The following BTAF1 variants were observed in gnomAD, a reference collection of about 807,000 sequenced individuals.
The protein encoded by BTAF1 is B-TFIID TATA-box binding protein associated factor 1, also known as TATA-binding protein-associated factor 172.
In BTAF1, 38 loss-of-function variants were observed where a neutral mutation model predicts 227.1. That is an observed-to-expected ratio of 0.17 (90% CI 0.13 to 0.22). The LOEUF (loss-of-function observed/expected upper bound fraction) is 0.22, where lower values mean the gene tolerates loss of function less well. Among genes scored for constraint, BTAF1 ranks in the 10% least tolerant of loss-of-function variants. BTAF1 has a pLI of 1.00. For missense variants in BTAF1, 1,598 were observed against 2,204.0 expected (o/e 0.73, Z 5.51); for synonymous variants, 742 against 751.9 (o/e 0.99, Z 0.21).
In BTAF1 at chr10:92,026,596, A is replaced by G; in HGVS notation, c.5080A>G (p.Asn1694Asp). Residue 1694 changes from asparagine (N) to aspartate (D), a missense_variant, in exon 36 of 38, where the codon AAT becomes GAT. Transcript: ENST00000265990. ...GQRHSIVSRF[N>D]NDPSIDVLLL... ...ATTTTTGTTATCTACTTTTAGGTTTAATAATGATCCATCTATAGACGTTCT... is the reference window on the plus strand; with the variant it reads ...ATTTTTGTTATCTACTTTTAGGTTTGATAATGATCCATCTATAGACGTTCT... 1 of 1,609,404 alleles carries G rather than the reference A, an allele frequency of 6.2e-7. No homozygotes were observed. Among genetic ancestry groups the G allele is most frequent in the African/African-American group, 1.3e-5 (1 of 74,868 alleles).
At chr10:91,997,201 A>G (rs1393492044) in intron 24 of BTAF1, 4 of 1,235,518 alleles carry the variant, frequency 3.2e-6, no homozygotes, top group Non-Finnish European at 3.2e-6. Context: ...GGTGATTGTC[A>G]AGATCCTGGT....
intron 20 of BTAF1, 88 bp downstream of exon 20, chr10:91,989,668 C>T (rs1198163768): frequency 8.1e-7 from 1 of 1,240,208 alleles, no homozygotes. Flanking sequence ...AGCACAAATC[C>T]AGTTCATGTT....
intron 25 of BTAF1, among the ~76,000 whole-genome samples, chr10:91,999,490 G>T (rs1221299250): frequency 3.3e-5 from 5 of 152,164 alleles, no homozygotes; most frequent in African/African-American, 1.2e-4. Flanking sequence ...TGCCTCCCGG[G>T]TTCAAGCGAT....
chr10:92,017,902 C>T (rs1162794491), intron 33 of BTAF1, among the ~76,000 whole-genome samples: 1 of 152,112 alleles, frequency 6.6e-6, no homozygotes, highest in Non-Finnish European at 1.5e-5. Flanking sequence ...AAGGCTGAGA[C>T]CCAAATCTTA....
At chr10:91,959,669 C>T in intron 9 of BTAF1, 116 bp from the exon 10 acceptor site, 1 of 416,416 alleles carries the variant, frequency 2.4e-6, no homozygotes. Context: ...TCCCCCAAGT[C>T]CCCAGTACAA....
intron 11 of BTAF1, among the ~76,000 whole-genome samples, chr10:91,960,581 G>A (rs1480110444): frequency 1.4e-5 from 2 of 140,952 alleles, no homozygotes; most frequent in African/African-American, 5.7e-5. Flanking sequence ...TACATAAACT[G>A]TCAGTGTTTT....
At chr10:91,984,063 CT>C (rs2133991529) in intron 18 of BTAF1, 137 bp from the exon 19 acceptor site, 1 of 728,676 alleles carries the variant, frequency 1.4e-6, no homozygotes, top group Non-Finnish European at 2.2e-6. Flanking sequence ...GTGCAATTAA[CT>C]GTTGTTTGGA....
intron 14 of BTAF1, among the ~76,000 whole-genome samples, chr10:91,977,776 T>TAA (rs1329064374): frequency 1.3e-5 from 2 of 152,186 alleles, no homozygotes; most frequent in African/African-American, 4.8e-5. Context: ...TATAGAGTGG[T>TAA]ATCTCATCGT....
intron 3 of BTAF1, among the ~76,000 whole-genome samples, chr10:91,941,672 A>G (rs993759444): frequency 4.6e-5 from 7 of 152,232 alleles, no homozygotes; most frequent in Admixed American, 6.5e-5. Context: ...AGCCTTATTC[A>G]TGAATACATT....
intron 1 of BTAF1, among the ~76,000 whole-genome samples, chr10:91,934,263 C>T (rs1372934067): frequency 6.6e-6 from 1 of 151,662 alleles, no homozygotes; most frequent in East Asian, 1.9e-4. Flanking sequence ...AAGACACAGT[C>T]TCACTCTGTC....
chr10:92,030,464 TA>T lies in BTAF1; in HGVS notation c.*1532del, dbSNP rs536506905. 2.0e-5 allele frequency: 3 copies of T among 152,298 alleles called. No homozygotes were observed. In the South Asian group the frequency reaches 6.2e-4, roughly 32 times the overall value. 9.4% of individuals were successfully genotyped at this position (152,298 alleles called of 1,614,324 possible). A position where few individuals can be genotyped will look rare whatever the true frequency, so the allele number is the denominator to read the frequency against. On this transcript the variant is annotated 3_prime_UTR_variant, in exon 38 of 38. Transcript: ENST00000265990. ...AACATTTCAGTATATTTGAGTTGAATATTTTTTTATTAACTATTTATTTGCT... is the reference window on the plus strand; with the variant it reads ...AACATTTCAGTATATTTGAGTTGAATTTTTTTTATTAACTATTTATTTGCT...
chr10:91,928,773 C>T lies in BTAF1; in HGVS notation c.14+4683C>T, dbSNP rs1001556780. 6.1e-4 allele frequency among the ~76,000 whole-genome samples: 55 copies of T among 90,184 alleles called. 1 individual carries two copies. Among genetic ancestry groups the T allele is most frequent in the African/African-American group, 1.7e-3 (47 of 28,088 alleles). 59.2% of individuals were successfully genotyped at this position (90,184 alleles called of 152,430 possible). ...AGCAAGAATCCATCCCCCCCCCCCC[C>T]GCCCCCCAAAAAAAGCAACCTGAGA... On this transcript the variant is annotated intron_variant, in intron 1 of 37. Coordinates refer to ENST00000265990, the MANE Select transcript of BTAF1 (RefSeq NM_003972.3).
At position 91,953,837 on chromosome 10, in the gene BTAF1, A is replaced by G. The variant is rs1204347253; in HGVS notation, c.665A>G (p.Gln222Arg). Reference sequence around the variant, plus strand: ...AGAATGGCCAAGTTATTTGCAAAACAGAGATCCAGGGATGCAGTGGAAACT... The same window carrying G: ...AGAATGGCCAAGTTATTTGCAAAACGGAGATCCAGGGATGCAGTGGAAACT... Reference protein sequence around the residue: ...AKRMAKLFAKQRSRDAVETNE... With the variant: ...AKRMAKLFAKRRSRDAVETNE... The change falls in exon 6 of 38, where the codon CAG (glutamine) becomes CGG (arginine). Residue 222 changes from glutamine (Q) to arginine (R), a missense_variant. Gln to Arg is a conservative substitution (Grantham distance 43). Transcript: ENST00000265990. 5.0e-6 allele frequency: 8 copies of G among 1,614,096 alleles called. No homozygotes were observed. The South Asian group carries it at 7.7e-5, about 16-fold the overall frequency.
Position 92,028,764 on chromosome 10 carries a change from T to A in BTAF1, c.5407-26T>A, listed in dbSNP as rs201704381. ...TGAAGTTAACCTCTCATTTTATTTTTTTTTTTTTTGCCAATTTTTCTTAAG... is the reference window on the plus strand; with the variant it reads ...TGAAGTTAACCTCTCATTTTATTTTATTTTTTTTTGCCAATTTTTCTTAAG... On this transcript the variant is annotated intron_variant, in intron 37 of 37. Transcript: ENST00000265990. 348 of 1,575,440 alleles carry A rather than the reference T, an allele frequency of 2.2e-4. 2 individuals carry two copies. Among genetic ancestry groups the A allele is most frequent in the East Asian group, 1.9e-3 (84 of 44,442 alleles).
At chr10:91,979,575 CTG>C (rs1428071604) in intron 14 of BTAF1, among the ~76,000 whole-genome samples, 2 of 152,024 alleles carry the variant, frequency 1.3e-5, no homozygotes, top group African/African-American at 4.8e-5. Flanking sequence ...CTTAAAAACA[CTG>C]TATTTAGTGC....
intron 9 of BTAF1, chr10:91,959,402 A>C (rs1386932697): frequency 3.1e-6 from 2 of 635,064 alleles, no homozygotes; most frequent in Non-Finnish European, 4.6e-6. Flanking sequence ...AATAATAGAT[A>C]TATGACCGGT....
rs1564692967 is a variant in BTAF1, at chr10:91,982,767, A to G, written c.2223+6A>G. 1 of 1,592,432 alleles carries G rather than the reference A, an allele frequency of 6.3e-7. No individual in the cohort carries two copies. Among genetic ancestry groups the G allele is most frequent in the African/African-American group, 1.3e-5 (1 of 74,484 alleles). On this transcript the variant is annotated splice_donor_region_variant and intron_variant, in intron 18 of 37. Transcript: ENST00000265990. ...AATGGGCTGCTTTACAAAAGGTAAG[A>G]TTTTGCCCCAAAAGTAATAAAGACA...
chr10:91,968,841 G>A (rs1272677154), intron 14 of BTAF1, among the ~76,000 whole-genome samples: 1 of 151,676 alleles, frequency 6.6e-6, no homozygotes, highest in Non-Finnish European at 1.5e-5. Flanking sequence ...TCTCATCTTC[G>A]GTGAGGTGTC....
At chr10:92,020,323 A>G (rs528624603) in intron 34 of BTAF1, among the ~76,000 whole-genome samples, 2 of 152,306 alleles carry the variant, frequency 1.3e-5, no homozygotes, top group African/African-American at 4.8e-5. Flanking sequence ...TGTTGCTTTT[A>G]AAAATTAATT....
Sources: allele counts gnomAD v4.1 joint callset (sites outside exome capture counted in the v4.1 genomes callset), GRCh38; gene constraint gnomAD v4.1.1; transcripts MANE v1.5; gene names NCBI Gene and HGNC (gene_info 2026-07-23, HGNC 2026-07-21).